EYS: variants seen among roughly 807,000 people sequenced by gnomAD.
EYS encodes the protein protein eyes shut homolog.
Under a neutral mutation model 282.1 loss-of-function variants are expected in EYS, and 250 were observed. The ratio of observed to expected loss-of-function variants is 0.89; its 90% CI spans 0.80 to 0.98. The LOEUF is 0.98. Ranked by LOEUF, EYS falls within the 50% of genes least tolerant of loss-of-function variation. The probability of loss-of-function intolerance (pLI) is 0.00; values close to 1 mark genes in which losing one functional copy is unlikely to be tolerated. For missense variants in EYS, 4,016 were observed against 3,709.0 expected, an observed-to-expected ratio of 1.08 and a Z score of -2.15; for synonymous variants, 1,355 against 1,282.9, an observed-to-expected ratio of 1.06 and a Z score of -1.20.
At chr6:64,422,321 T>C (rs959643092) in intron 28 of EYS, among the ~76,000 whole-genome samples, 21 of 152,192 alleles carry the variant, frequency 1.4e-4, no homozygotes, top group African/African-American at 5.1e-4. Context: ...GTGTGGGGCA[T>C]CTGTGCAGTG....
chr6:64,996,737 C>T (rs917587141), intron 14 of EYS, among the ~76,000 whole-genome samples: 2 of 152,116 alleles, frequency 1.3e-5, no homozygotes, highest in African/African-American at 4.8e-5. Flanking sequence ...ACAAATGTTC[C>T]TTCTATTGTA....
intron 5 of EYS, among the ~76,000 whole-genome samples, chr6:65,461,576 C>T (rs904909751): frequency 6.6e-6 from 1 of 152,070 alleles, no homozygotes; most frequent in Non-Finnish European, 1.5e-5. Flanking sequence ...GCCCCTCCCA[C>T]GTAATCCTAA....
intron 7 of EYS, among the ~76,000 whole-genome samples, chr6:65,397,433 C>T (rs1241405166): frequency 6.6e-6 from 1 of 151,714 alleles, no homozygotes; most frequent in African/African-American, 2.4e-5. Context: ...CAATGTGTAC[C>T]CATTGTCTAG....
At chr6:65,678,232 T>C (rs1768693522) in intron 1 of EYS, among the ~76,000 whole-genome samples, 1 of 151,954 alleles carries the variant, frequency 6.6e-6, no homozygotes, top group Non-Finnish European at 1.5e-5. Context: ...TGGCCATTAA[T>C]GAGGGATCTG....
intron 31 of EYS, among the ~76,000 whole-genome samples, chr6:64,122,483 A>T (rs1339455611): frequency 6.6e-6 from 1 of 152,144 alleles, no homozygotes; most frequent in Non-Finnish European, 1.5e-5. Flanking sequence ...ATTTTATGGT[A>T]TTAAGAAAGA....
chr6:64,724,682 A>G (rs1477430386), intron 22 of EYS, among the ~76,000 whole-genome samples: 1 of 152,224 alleles, frequency 6.6e-6, no homozygotes. Context: ...CTTCAAAATG[A>G]ATTCAGTATT....
chr6:65,205,326 T>C (rs1286823831), intron 12 of EYS, among the ~76,000 whole-genome samples: 1 of 151,548 alleles, frequency 6.6e-6, no homozygotes, highest in African/African-American at 2.4e-5. Flanking sequence ...TATATAATGA[T>C]AAAGGTTTCA....
chr6:64,704,036 T>G (rs1306590905), intron 22 of EYS, among the ~76,000 whole-genome samples: 2 of 151,984 alleles, frequency 1.3e-5, no homozygotes, highest in Non-Finnish European at 1.5e-5. Context: ...CATCTAATAA[T>G]AAATCCTACA....
At chr6:63,893,105 T>C (rs1773449607) in intron 35 of EYS, among the ~76,000 whole-genome samples, 3 of 152,154 alleles carry the variant, frequency 2.0e-5, no homozygotes, top group African/African-American at 4.8e-5. Flanking sequence ...TGTGGAGAAA[T>C]AGGACACTTT....
chr6:64,328,177 T>C (rs1354775360), intron 29 of EYS, among the ~76,000 whole-genome samples: 1 of 152,202 alleles, frequency 6.6e-6, no homozygotes, highest in African/African-American at 2.4e-5. Flanking sequence ...CATTTCCTAA[T>C]TCACAATCCT....
intron 28 of EYS, among the ~76,000 whole-genome samples, chr6:64,420,345 G>A (rs1561984888): frequency 6.6e-6 from 1 of 152,184 alleles, no homozygotes; most frequent in East Asian, 1.9e-4. Flanking sequence ...CTCTGAGCCT[G>A]TGTTGGGAGG....
intron 22 of EYS, among the ~76,000 whole-genome samples, chr6:64,744,169 A>G (rs1183485325): frequency 6.6e-6 from 1 of 152,194 alleles, no homozygotes; most frequent in East Asian, 1.9e-4. Flanking sequence ...TTTAGAAACA[A>G]CACAGTTTTT....
chr6:64,305,684 A>G (rs1410084373), intron 30 of EYS, among the ~76,000 whole-genome samples: 1 of 152,194 alleles, frequency 6.6e-6, no homozygotes, highest in Non-Finnish European at 1.5e-5. Context: ...ATCCACATAC[A>G]ACAGAATGAC....
chr6:65,018,644 T>C (rs1772138180), intron 13 of EYS, among the ~76,000 whole-genome samples: 1 of 152,216 alleles, frequency 6.6e-6, no homozygotes. Flanking sequence ...TGTTTTGATG[T>C]GAAGGAAGCA....
intron 9 of EYS, among the ~76,000 whole-genome samples, chr6:65,352,205 T>A (rs1308654904): frequency 6.6e-6 from 1 of 151,814 alleles, no homozygotes; most frequent in Non-Finnish European, 1.5e-5. Context: ...ATGTTTTCTG[T>A]TTAAAAGGCT....
intron 22 of EYS, among the ~76,000 whole-genome samples, chr6:64,667,467 C>T (rs910730170): frequency 8.6e-5 from 13 of 151,178 alleles, no homozygotes; most frequent in African/African-American, 2.9e-4. Flanking sequence ...CTGGGAAGGA[C>T]ATTCTGTTAA....
intron 5 of EYS, among the ~76,000 whole-genome samples, chr6:65,421,493 G>C (rs977370245): frequency 2.0e-5 from 3 of 151,846 alleles, no homozygotes; most frequent in Admixed American, 1.3e-4. Flanking sequence ...CAACAATAAG[G>C]CTCTTTAGGT....
At chr6:64,514,831 G>A (rs571575786) in intron 26 of EYS, among the ~76,000 whole-genome samples, 1 of 151,874 alleles carries the variant, frequency 6.6e-6, no homozygotes, top group East Asian at 1.9e-4. Flanking sequence ...CATTAAAGAG[G>A]TGGGAGGACC....
At position 64,255,537 on chromosome 6, in the gene EYS, A is replaced by T. The variant is rs150633864; in HGVS notation, c.6192-24713T>A. ...TTTTGACAAACTGTGCCTTTAAAAA[A>T]GTTCAAGACATTTTGATTTGTTTCT... On this transcript the variant is annotated intron_variant, in intron 30 of 42. Coordinates refer to ENST00000503581, the MANE Select transcript of EYS (RefSeq NM_001142800.2). Among the ~76,000 whole-genome samples, 618 of 152,208 alleles carry T rather than the reference A, an allele frequency of 4.1e-3. 3 individuals carry two copies. Among genetic ancestry groups the T allele is most frequent in the African/African-American group, 0.014 (586 of 41,566 alleles).
Sources: allele counts gnomAD v4.1 joint callset (sites outside exome capture counted in the v4.1 genomes callset), GRCh38; gene constraint gnomAD v4.1.1; transcripts MANE v1.5; gene names NCBI Gene and HGNC (gene_info 2026-07-23, HGNC 2026-07-21).